PAK1: variants seen among roughly 807,000 people sequenced by gnomAD.
PAK1 encodes serine/threonine-protein kinase PAK 1.
In PAK1, 29 loss-of-function variants were observed where a neutral mutation model predicts 67.4. That is an observed-to-expected ratio of 0.43 (90% CI 0.32 to 0.59). The LOEUF (loss-of-function observed/expected upper bound fraction) is 0.59. PAK1 is among the 20% of genes least tolerant of loss of function. The pLI is 0.07. For missense variants in PAK1, 337 were observed against 670.7 expected, an observed-to-expected ratio of 0.50 and a Z score of 5.50; for synonymous variants, 223 against 237.4, an observed-to-expected ratio of 0.94 and a Z score of 0.56.
intron 5 of PAK1, among the ~76,000 whole-genome samples, chr11:77,362,565 A>G (rs1453767607): frequency 6.6e-6 from 1 of 152,222 alleles, no homozygotes; most frequent in Non-Finnish European, 1.5e-5. Context: ...TATCACTTAC[A>G]AACTATGAGT....
At chr11:77,337,486 T>C (rs1308136519) in intron 11 of PAK1, 63 bp from the exon 12 acceptor site, 7 of 804,530 alleles carry the variant, frequency 8.7e-6, no homozygotes, top group East Asian at 2.6e-5. Context: ...GAAGACTTAA[T>C]AGAAAATCCA....
At chr11:77,352,880 G>A (rs145736219) in intron 8 of PAK1, among the ~76,000 whole-genome samples, 450 of 152,152 alleles carry the variant, frequency 3.0e-3, no homozygotes, top group African/African-American at 0.01. Flanking sequence ...ACTCTATGAC[G>A]CTCACATGAC....
At position 77,393,242 on chromosome 11, in the gene PAK1, T is replaced by C. The variant is rs535392331; in HGVS notation, c.-21-701A>G. On this transcript the variant is annotated intron_variant, in intron 1 of 14. Transcript: ENST00000356341. ...CCCTGAGACTATATAATCTCTCCAG[T>C]GTTTCCCTCCTCTGAAATTCTACCT... Among the ~76,000 whole-genome samples the C allele has an allele frequency of 2.0e-5, 3 of 150,568 alleles. 1 individual carries two copies. In the South Asian group the frequency reaches 6.4e-4, roughly 32 times the overall value.
At chr11:77,494,089 A>C in the PAK1 span, among the ~76,000 whole-genome samples, 1 of 152,342 alleles carries the variant, frequency 6.6e-6, no homozygotes, top group East Asian at 1.9e-4. Context: ...TTTTAAAAAC[A>C]TGCATACCCT....
the PAK1 span, among the ~76,000 whole-genome samples, chr11:77,492,541 CTTTTTTTTTTT>C: frequency 4.7e-5 from 5 of 106,122 alleles, no homozygotes; most frequent in Admixed American, 1.9e-4. Flanking sequence ...TGAGGTGGGT[CTTTTTTTTTTT>C]TTTTTTTTTT....
chr11:77,344,124 T>C, intron 9 of PAK1, 193 bp from the exon 10 acceptor site: 1 of 536,900 alleles, frequency 1.9e-6, no homozygotes, highest in South Asian at 2.4e-5. Flanking sequence ...CATCATCATC[T>C]GGGAGCTTGT....
At chr11:77,384,164 G>T (rs148853587) in intron 2 of PAK1, among the ~76,000 whole-genome samples, 3 of 152,322 alleles carry the variant, frequency 2.0e-5, no homozygotes, top group South Asian at 4.1e-4. Context: ...GCCAAAAGAA[G>T]TAAGCAGTGT....
chr11:77,384,141 A>C (rs1464966055), intron 2 of PAK1, among the ~76,000 whole-genome samples: 1 of 152,216 alleles, frequency 6.6e-6, no homozygotes, highest in Non-Finnish European at 1.5e-5. Context: ...CAAAAGAAAC[A>C]GAATAAGCAG....
At chr11:77,381,235 G>A (rs1023839867) in intron 2 of PAK1, among the ~76,000 whole-genome samples, 2 of 151,962 alleles carry the variant, frequency 1.3e-5, no homozygotes, top group Admixed American at 1.3e-4. Flanking sequence ...ACAAGGGAGA[G>A]GATGAGCTAG....
intron 1 of PAK1, among the ~76,000 whole-genome samples, chr11:77,412,253 G>T (rs1954648453): frequency 1.3e-5 from 2 of 152,008 alleles, no homozygotes; most frequent in African/African-American, 4.8e-5. Context: ...GAGTATAGAG[G>T]AGTCCCTTCT....
the PAK1 span, among the ~76,000 whole-genome samples, chr11:77,502,880 A>G: frequency 2.6e-5 from 4 of 152,188 alleles, no homozygotes. Context: ...GTCAGGGCTA[A>G]TTGTGACCAA....
the PAK1 span, among the ~76,000 whole-genome samples, chr11:77,525,786 G>A: frequency 6.6e-6 from 1 of 152,230 alleles, no homozygotes; most frequent in South Asian, 2.1e-4. Context: ...CATAAGTAAG[G>A]CAGAATTGGA....
At chr11:77,392,187 C>A in intron 2 of PAK1, 144 bp downstream of exon 2, 1 of 576,292 alleles carries the variant, frequency 1.7e-6, no homozygotes, top group South Asian at 3.1e-5. Context: ...TTGCTTCAGC[C>A]ACTGTAGGGA....
At chr11:77,359,777 A>T (rs1946533397) in intron 5 of PAK1, among the ~76,000 whole-genome samples, 1 of 152,176 alleles carries the variant, frequency 6.6e-6, no homozygotes, top group African/African-American at 2.4e-5. Context: ...AGGCAAAAAT[A>T]GCATACCATT....
chr11:77,479,399 G>A (rs894141624), upstream of PAK1, among the ~76,000 whole-genome samples: 2 of 152,078 alleles, frequency 1.3e-5, no homozygotes, highest in Admixed American at 6.6e-5. Flanking sequence ...AAGCCACTAA[G>A]TTTGTGGTAA....
chr11:77,489,577 T>C, the PAK1 span, among the ~76,000 whole-genome samples: 1 of 152,228 alleles, frequency 6.6e-6, no homozygotes, highest in African/African-American at 2.4e-5. Flanking sequence ...GCCTGCGGAG[T>C]GCCTGCGATT....
At chr11:77,442,673 C>A (rs1956406465) in intron 1 of PAK1, among the ~76,000 whole-genome samples, 1 of 152,184 alleles carries the variant, frequency 6.6e-6, no homozygotes, top group Admixed American at 6.5e-5. Flanking sequence ...CCCTCAGAAA[C>A]TGTGTGAAAT....
At chr11:77,438,020 T>C (rs888755874) in intron 1 of PAK1, among the ~76,000 whole-genome samples, 3 of 152,028 alleles carry the variant, frequency 2.0e-5, no homozygotes, top group African/African-American at 7.2e-5. Context: ...CCTCTTCTCC[T>C]TGGACTACCC....
chr11:77,355,590 CA>C, intron 7 of PAK1, 77 bp downstream of exon 7: 2 of 1,240,024 alleles, frequency 1.6e-6, no homozygotes, highest in Non-Finnish European at 2.3e-6. Context: ...CTGCATGGAC[CA>C]AGCCTACGAC....
Sources: gnomAD v4.1 joint callset for allele counts (sites outside exome capture counted in the v4.1 genomes callset) on GRCh38, gnomAD v4.1.1 for gene constraint, MANE v1.5 for transcripts, NCBI Gene and HGNC (gene_info 2026-07-23, HGNC 2026-07-21) for gene names.